Variants in TMEM117 observed in about 807,000 individuals in gnomAD.
TMEM117 encodes transmembrane protein 117.
TMEM117 carries 27 observed loss-of-function variants against 52.4 expected under a neutral mutation model. That is an observed-to-expected ratio of 0.51 (90% CI 0.38 to 0.71). TMEM117 has a LOEUF of 0.71. TMEM117 is among the 30% of genes least tolerant of loss of function. The pLI, the probability that TMEM117 is intolerant of heterozygous loss-of-function variation, is 0.00. For missense variants in TMEM117, 556 were observed against 630.5 expected, an observed-to-expected ratio of 0.88 and a Z score of 1.26; for synonymous variants, 215 against 206.3, an observed-to-expected ratio of 1.04 and a Z score of -0.36.
At chr12:44,354,634 A>T (rs1405904468) in intron 6 of TMEM117, among the ~76,000 whole-genome samples, 1 of 151,526 alleles carries the variant, frequency 6.6e-6, no homozygotes, top group Non-Finnish European at 1.5e-5. Flanking sequence ...CATGCTAAAA[A>T]CTCTCAATAA....
intron 3 of TMEM117, among the ~76,000 whole-genome samples, chr12:43,975,922 C>G (rs953425618): frequency 6.6e-6 from 1 of 152,174 alleles, no homozygotes; most frequent in Non-Finnish European, 1.5e-5. Flanking sequence ...TCCACAGTAT[C>G]TAGCAGCATC....
intron 6 of TMEM117, among the ~76,000 whole-genome samples, chr12:44,344,998 A>G (rs569050621): frequency 6.6e-6 from 1 of 152,126 alleles, no homozygotes; most frequent in African/African-American, 2.4e-5. Flanking sequence ...GAGAAGGTGC[A>G]TTAAACCAGT....
intron 2 of TMEM117, among the ~76,000 whole-genome samples, chr12:43,851,537 A>G (rs2137374137): frequency 6.6e-6 from 1 of 152,296 alleles, no homozygotes; most frequent in South Asian, 2.1e-4. Context: ...ATATCCATGA[A>G]TAGAGACATC....
chr12:44,025,232 A>T (rs1412898456), intron 3 of TMEM117, among the ~76,000 whole-genome samples: 1 of 152,220 alleles, frequency 6.6e-6, no homozygotes, highest in Non-Finnish European at 1.5e-5. Flanking sequence ...TAACACAATG[A>T]AACAGATGTC....
intron 4 of TMEM117, among the ~76,000 whole-genome samples, chr12:44,197,907 T>C (rs961724868): frequency 2.6e-5 from 4 of 152,164 alleles, no homozygotes; most frequent in South Asian, 2.1e-4. Context: ...TTAATATTCA[T>C]GCATTATGAA....
intron 5 of TMEM117, among the ~76,000 whole-genome samples, chr12:44,254,226 A>G (rs549809803): frequency 6.6e-6 from 1 of 152,074 alleles, no homozygotes; most frequent in Non-Finnish European, 1.5e-5. Flanking sequence ...TTGACAGAAA[A>G]TAGTTATCAA....
chr12:44,126,407 G>A (rs1211295603), intron 3 of TMEM117, among the ~76,000 whole-genome samples: 1 of 152,088 alleles, frequency 6.6e-6, no homozygotes, highest in Non-Finnish European at 1.5e-5. Flanking sequence ...ACTCTATAAG[G>A]TGGAATTTCT....
intron 3 of TMEM117, among the ~76,000 whole-genome samples, chr12:44,091,209 A>T (rs898747508): frequency 3.3e-5 from 5 of 152,210 alleles, no homozygotes; most frequent in Admixed American, 6.5e-5. Flanking sequence ...CAGGAGACTT[A>T]TTTGCTATCA....
rs116381817 is a variant in TMEM117, at chr12:44,298,031, A to T, written c.609-1549A>T. On this transcript the variant is annotated intron_variant, in intron 5 of 7. Coordinates refer to ENST00000266534, the MANE Select transcript of TMEM117 (RefSeq NM_032256.3). ...AATTTTAATAAAATAATGAGGTTTA[A>T]TAGGAATGTTTATTTTCTAAAATTT... 2.2e-3 allele frequency among the ~76,000 whole-genome samples: 337 copies of T among 152,154 alleles called. 5 individuals are homozygous for T. The highest frequency in any genetic ancestry group is 7.6e-3 in the African/African-American group (315 of 41,444).
At chr12:44,178,247 T>C (rs575759053) in intron 4 of TMEM117, among the ~76,000 whole-genome samples, 83 of 152,344 alleles carry the variant, frequency 5.4e-4, no homozygotes, top group South Asian at 1.2e-3. Flanking sequence ...TTGAATGCAC[T>C]GACAACTAAA....
intron 7 of TMEM117, among the ~76,000 whole-genome samples, chr12:44,377,892 T>C (rs1360951952): frequency 2.0e-5 from 3 of 152,228 alleles, no homozygotes; most frequent in African/African-American, 7.2e-5. Context: ...CCTTCCTAAA[T>C]TGGAGAATGA....
intron 3 of TMEM117, among the ~76,000 whole-genome samples, chr12:44,051,572 G>A (rs1946973208): frequency 6.6e-6 from 1 of 152,110 alleles, no homozygotes; most frequent in African/African-American, 2.4e-5. Context: ...CTGTCAAATG[G>A]TAAATCAGGC....
At chr12:44,037,476 G>A (rs1431080240) in intron 3 of TMEM117, among the ~76,000 whole-genome samples, 1 of 152,096 alleles carries the variant, frequency 6.6e-6, no homozygotes, top group Non-Finnish European at 1.5e-5. Flanking sequence ...CCAGACGCTG[G>A]GCACTGACAA....
chr12:43,917,723 T>G (rs1249319103), intron 2 of TMEM117, among the ~76,000 whole-genome samples: 1 of 152,206 alleles, frequency 6.6e-6, no homozygotes, highest in African/African-American at 2.4e-5. Flanking sequence ...CTTTTATATG[T>G]GTCTAATTTT....
At chr12:44,316,153 T>G (rs1951051591) in intron 6 of TMEM117, among the ~76,000 whole-genome samples, 1 of 152,218 alleles carries the variant, frequency 6.6e-6, no homozygotes. Flanking sequence ...ATATAATTGC[T>G]CTATAGGGTC....
intron 3 of TMEM117, among the ~76,000 whole-genome samples, chr12:44,132,866 G>A (rs1382885673): frequency 6.6e-6 from 1 of 151,996 alleles, no homozygotes; most frequent in African/African-American, 2.4e-5. Flanking sequence ...TTGAAGCAGG[G>A]GTATCTAGTT....
intron 1 of TMEM117, among the ~76,000 whole-genome samples, chr12:43,842,754 A>G (rs1428227504): frequency 6.6e-6 from 1 of 151,918 alleles, no homozygotes; most frequent in Admixed American, 6.6e-5. Context: ...GCACGCACAC[A>G]CACAATTTTT....
At chr12:43,832,271 G>A (rs1790561423), upstream of TMEM117, among the ~76,000 whole-genome samples, 1 of 152,226 alleles carries the variant, frequency 6.6e-6, no homozygotes. Context: ...TCATAGAACG[G>A]TAATGTTTGA....
chr12:43,806,278 G>C, the TMEM117 span: 1 of 1,502,762 alleles, frequency 6.7e-7, no homozygotes, highest in Non-Finnish European at 8.9e-7. Context: ...CTCCGGCGCT[G>C]AGTGCAGCCA....
Sources: gnomAD v4.1 joint callset for allele counts (sites outside exome capture counted in the v4.1 genomes callset) on GRCh38, gnomAD v4.1.1 for gene constraint, MANE v1.5 for transcripts, NCBI Gene and HGNC (gene_info 2026-07-23, HGNC 2026-07-21) for gene names.